The following GMDS variants were observed in gnomAD, a reference collection of about 807,000 sequenced individuals.
The protein encoded by GMDS is GDP-mannose 4,6-dehydratase.
A neutral mutation model predicts 49.9 loss-of-function variants in GMDS; 20 were observed. That is an observed-to-expected ratio of 0.40 (90% CI 0.28 to 0.58). The LOEUF (loss-of-function observed/expected upper bound fraction) is 0.58, where lower values mean the gene tolerates loss of function less well. Ranked by LOEUF, GMDS falls within the 20% of genes least tolerant of loss-of-function variation. The pLI is 0.42. For missense variants in GMDS, 362 were observed against 481.4 expected (o/e 0.75, Z 2.32); for synonymous variants, 177 against 178.6 (o/e 0.99, Z 0.07).
intron 1 of GMDS, among the ~76,000 whole-genome samples, chr6:2,145,538 A>AAAATAAAT (rs36139025): frequency 2.3e-4 from 34 of 148,466 alleles, no homozygotes; most frequent in African/African-American, 7.2e-4. Context: ...ACTCTGTCTC[A>AAAATAAAT]AAATAAATAA....
intron 7 of GMDS, among the ~76,000 whole-genome samples, chr6:1,846,367 A>C (rs1223962372): frequency 6.6e-6 from 1 of 151,948 alleles, no homozygotes; most frequent in East Asian, 1.9e-4. Flanking sequence ...TGTTGGGATT[A>C]CAGGTGTGAG....
chr6:2,152,272 C>T (rs1294797897), intron 1 of GMDS, among the ~76,000 whole-genome samples: 1 of 151,974 alleles, frequency 6.6e-6, no homozygotes, highest in Non-Finnish European at 1.5e-5. Context: ...ACTTTATAGG[C>T]CAATTTAATA....
intron 1 of GMDS, among the ~76,000 whole-genome samples, chr6:2,201,995 G>A (rs1779561657): frequency 1.5e-5 from 2 of 135,168 alleles, no homozygotes; most frequent in Non-Finnish European, 3.2e-5. Context: ...AGAGGTGAAG[G>A]ATGAAGAGAG....
intron 7 of GMDS, among the ~76,000 whole-genome samples, chr6:1,771,393 G>A (rs1180796893): frequency 6.6e-6 from 1 of 152,198 alleles, no homozygotes; most frequent in Non-Finnish European, 1.5e-5. Flanking sequence ...TGACTGTGAC[G>A]CTGGCAAGTC....
At chr6:1,891,260 G>T (rs78870384) in intron 7 of GMDS, among the ~76,000 whole-genome samples, 222 of 152,186 alleles carry the variant, frequency 1.5e-3, no homozygotes, top group African/African-American at 5.0e-3. Flanking sequence ...CCTCACTACT[G>T]CTGTCTTCAG....
At chr6:1,657,476 C>T (rs773081400) in intron 9 of GMDS, among the ~76,000 whole-genome samples, 1 of 152,172 alleles carries the variant, frequency 6.6e-6, no homozygotes, top group Non-Finnish European at 1.5e-5. Flanking sequence ...TATGGTAACT[C>T]GTGCCACAAT....
intron 4 of GMDS, among the ~76,000 whole-genome samples, chr6:1,971,090 T>G (rs1284062954): frequency 6.6e-6 from 1 of 151,944 alleles, no homozygotes. Flanking sequence ...GAGAGATAAA[T>G]GCACCGGCAA....
chr6:2,197,211 C>T (rs999149003), intron 1 of GMDS, among the ~76,000 whole-genome samples: 3 of 152,194 alleles, frequency 2.0e-5, no homozygotes, highest in African/African-American at 4.8e-5. Context: ...GAGGCTCTCC[C>T]GCACCATAAG....
chr6:1,751,078 G>T (rs1767703870), intron 7 of GMDS, among the ~76,000 whole-genome samples: 1 of 152,220 alleles, frequency 6.6e-6, no homozygotes, highest in Admixed American at 6.5e-5. Flanking sequence ...CCAGTCAGGG[G>T]CTTATAGATA....
chr6:1,675,974 C>T (rs1359111857), intron 9 of GMDS, among the ~76,000 whole-genome samples: 2 of 152,022 alleles, frequency 1.3e-5, no homozygotes, highest in African/African-American at 4.8e-5. Context: ...GAAATGGATA[C>T]ATTCTTGGAC....
chr6:2,236,354 A>G (rs1781355788), intron 1 of GMDS, among the ~76,000 whole-genome samples: 1 of 152,250 alleles, frequency 6.6e-6, no homozygotes, highest in South Asian at 2.1e-4. Flanking sequence ...TGGAATTTTA[A>G]GAAGCTAACT....
chr6:1,776,092 A>G (rs980750409), intron 7 of GMDS, among the ~76,000 whole-genome samples: 55 of 152,278 alleles, frequency 3.6e-4, no homozygotes, highest in African/African-American at 1.3e-3. Flanking sequence ...TCAGAGACTC[A>G]GTGCCTGCAT....
At chr6:1,906,814 C>A (rs1292058403) in intron 7 of GMDS, among the ~76,000 whole-genome samples, 1 of 152,186 alleles carries the variant, frequency 6.6e-6, no homozygotes, top group African/African-American at 2.4e-5. Context: ...AGCGGCTGTT[C>A]CCAACGGTCC....
intron 7 of GMDS, among the ~76,000 whole-genome samples, chr6:1,921,171 T>C (rs1240464717): frequency 6.6e-6 from 1 of 152,222 alleles, no homozygotes; most frequent in Non-Finnish European, 1.5e-5. Flanking sequence ...CTTTATTCTC[T>C]ATGCATTTGC....
chr6:1,978,956 G>A (rs1765073062), intron 4 of GMDS, among the ~76,000 whole-genome samples: 1 of 152,052 alleles, frequency 6.6e-6, no homozygotes, highest in South Asian at 2.1e-4. Context: ...TGGAAAAACT[G>A]AGGCAACTAG....
At chr6:1,633,898 C>T (rs148261934) in intron 9 of GMDS, among the ~76,000 whole-genome samples, 46 of 152,248 alleles carry the variant, frequency 3.0e-4, no homozygotes, top group African/African-American at 1.1e-3. Context: ...GAGTATCTAC[C>T]GCCTGCAGGC....
intron 6 of GMDS, among the ~76,000 whole-genome samples, chr6:1,945,585 T>C (rs1014954672): frequency 2.6e-5 from 4 of 152,152 alleles, no homozygotes; most frequent in African/African-American, 4.8e-5. Flanking sequence ...AGGCCCTTGA[T>C]AGATTTGCAT....
intron 7 of GMDS, among the ~76,000 whole-genome samples, chr6:1,799,352 CATATATCTAAGA>C (rs1268609891): frequency 6.6e-6 from 1 of 152,146 alleles, no homozygotes; most frequent in African/African-American, 2.4e-5. Flanking sequence ...GAGTGGATGG[CATATATCTAAGA>C]AAGCTCAAGC....
At chr6:1,819,756 G>T (rs1228405464) in intron 7 of GMDS, among the ~76,000 whole-genome samples, 3 of 103,054 alleles carry the variant, frequency 2.9e-5, no homozygotes, top group African/African-American at 4.1e-5. Flanking sequence ...GTGAGACTCT[G>T]CCTCAAAAAA....
Sources: allele counts gnomAD v4.1 joint callset (sites outside exome capture counted in the v4.1 genomes callset), GRCh38; gene constraint gnomAD v4.1.1; transcripts MANE v1.5; gene names NCBI Gene and HGNC (gene_info 2026-07-23, HGNC 2026-07-21).